The following SUPT3H variants were observed in gnomAD, a reference collection of about 807,000 sequenced individuals.
The protein encoded by SUPT3H is transcription initiation protein SPT3 homolog.
Under a neutral mutation model 44.3 loss-of-function variants are expected in SUPT3H, and 44 were observed. That is an observed-to-expected ratio of 0.99 (90% CI 0.78 to 1.28). The LOEUF (loss-of-function observed/expected upper bound fraction) is 1.28. SUPT3H is among the 50% of genes most tolerant of loss of function. The pLI is 0.00. For missense variants in SUPT3H, 380 were observed against 387.1 expected (o/e 0.98, Z 0.15); for synonymous variants, 124 against 125.6 (o/e 0.99, Z 0.09).
intron 10 of SUPT3H, among the ~76,000 whole-genome samples, chr6:44,886,733 C>A (rs1762354430): frequency 6.6e-6 from 1 of 152,132 alleles, no homozygotes; most frequent in Non-Finnish European, 1.5e-5. Flanking sequence ...CACCAGCTAA[C>A]ATCATAATGA....
At chr6:45,049,260 T>C (rs1031256145) in intron 3 of SUPT3H, among the ~76,000 whole-genome samples, 1 of 152,146 alleles carries the variant, frequency 6.6e-6, no homozygotes, top group African/African-American at 2.4e-5. Flanking sequence ...ACCCTGAGAC[T>C]TCTGGTGCTG....
chr6:45,255,660 T>A (rs1219156205), intron 2 of SUPT3H, among the ~76,000 whole-genome samples: 1 of 151,890 alleles, frequency 6.6e-6, no homozygotes, highest in Non-Finnish European at 1.5e-5. Flanking sequence ...TGGCCTCAGG[T>A]GATCCTCCCG....
intron 10 of SUPT3H, among the ~76,000 whole-genome samples, chr6:44,847,220 T>G (rs1334211933): frequency 6.6e-6 from 1 of 152,204 alleles, no homozygotes; most frequent in African/African-American, 2.4e-5. Context: ...CAATTGCTGA[T>G]ACAGTTATTT....
chr6:44,907,178 G>A (rs896145531), intron 10 of SUPT3H, among the ~76,000 whole-genome samples: 1 of 152,198 alleles, frequency 6.6e-6, no homozygotes, highest in Non-Finnish European at 1.5e-5. Flanking sequence ...GCAGAGATTA[G>A]ACAGTGGTAT....
rs951399663 is a variant in SUPT3H at position 45,254,352 on chromosome 6, A to C, written c.101+110849T>G. Among the ~76,000 whole-genome samples, 3 of 152,182 alleles carry C rather than the reference A, an allele frequency of 2.0e-5. No homozygotes were observed. In the South Asian group the frequency reaches 6.2e-4, roughly 31 times the overall value. ...TTTCTCTTGTACTAATACATGATTA[A>C]CCACCTACTATTAGCAAGCTCAAAT... On this transcript the variant is annotated intron_variant, in intron 2 of 10. Coordinates refer to ENST00000371459, the MANE Select transcript of SUPT3H (RefSeq NM_003599.4).
At chr6:44,957,871 T>C (rs1013396515) in intron 7 of SUPT3H, among the ~76,000 whole-genome samples, 1 of 152,232 alleles carries the variant, frequency 6.6e-6, no homozygotes, top group Non-Finnish European at 1.5e-5. Flanking sequence ...ACTTGGGTTA[T>C]TGCTGTTCCA....
intron 2 of SUPT3H, among the ~76,000 whole-genome samples, chr6:45,223,457 T>C (rs970361197): frequency 4.6e-5 from 7 of 152,030 alleles, no homozygotes; most frequent in Admixed American, 1.3e-4. Context: ...AGGTGTGCCA[T>C]ACTAAATTCG....
intron 2 of SUPT3H, among the ~76,000 whole-genome samples, chr6:45,355,871 T>C (rs991426032): frequency 2.3e-4 from 35 of 152,168 alleles, no homozygotes; most frequent in Non-Finnish European, 4.4e-4. Context: ...AATAAATAAA[T>C]ATTAATTGAT....
intron 2 of SUPT3H, among the ~76,000 whole-genome samples, chr6:45,178,779 G>C (rs188812355): frequency 1.3e-5 from 2 of 151,994 alleles, no homozygotes; most frequent in South Asian, 2.1e-4. Context: ...AAGCGCTCAA[G>C]TACATGGAAA....
chr6:44,847,259 C>G (rs1772033193), intron 10 of SUPT3H, among the ~76,000 whole-genome samples: 2 of 152,166 alleles, frequency 1.3e-5, no homozygotes, highest in South Asian at 4.1e-4. Context: ...CCTGAGACTA[C>G]AAGTCTGGTC....
At chr6:44,859,498 T>C (rs1479824863) in intron 10 of SUPT3H, among the ~76,000 whole-genome samples, 1 of 152,162 alleles carries the variant, frequency 6.6e-6, no homozygotes, top group East Asian at 1.9e-4. Context: ...GCAAGTGAAA[T>C]ACAGAACCCC....
intron 10 of SUPT3H, among the ~76,000 whole-genome samples, chr6:44,929,317 T>C (rs1461859661): frequency 6.6e-6 from 1 of 152,178 alleles, no homozygotes; most frequent in African/African-American, 2.4e-5. Context: ...TTTTTAAATA[T>C]AGTATCTGAA....
intron 3 of SUPT3H, among the ~76,000 whole-genome samples, chr6:45,092,753 A>AAC (rs1797306622): frequency 1.5e-5 from 1 of 65,038 alleles, no homozygotes; most frequent in African/African-American, 3.9e-5. Context: ...TTCGTCTCAA[A>AAC]AAAAAAAAAA....
intron 3 of SUPT3H, among the ~76,000 whole-genome samples, chr6:45,071,925 G>A (rs1373589437): frequency 1.3e-5 from 2 of 152,174 alleles, no homozygotes; most frequent in African/African-American, 2.4e-5. Flanking sequence ...GCTCTTTGAG[G>A]AGGGGTAATC....
At chr6:45,214,617 C>G (rs745802628) in intron 2 of SUPT3H, among the ~76,000 whole-genome samples, 2 of 152,162 alleles carry the variant, frequency 1.3e-5, no homozygotes, top group Non-Finnish European at 2.9e-5. Context: ...AAGGCTGATG[C>G]AGGAGGATCA....
chr6:45,208,062 GAA>G lies in SUPT3H; in HGVS notation c.102-102058_102-102057del, dbSNP rs572534613. 1.0e-3 allele frequency among the ~76,000 whole-genome samples: 157 copies of G among 152,314 alleles called. 2 individuals are homozygous for G. In the South Asian group the frequency reaches 0.014, roughly 14 times the overall value. On this transcript the variant is annotated intron_variant, in intron 2 of 10. Transcript: ENST00000371459. Reference sequence around the variant, plus strand: ...GTTAACCAAGTTGTGCATGAAAAGGGAAAGTTATTGGAGGAAATCAGAAGTGC... The same window carrying G: ...GTTAACCAAGTTGTGCATGAAAAGGGAGTTATTGGAGGAAATCAGAAGTGC...
intron 10 of SUPT3H, among the ~76,000 whole-genome samples, chr6:44,872,498 G>A (rs1293587): frequency 0.047 from 7,119 of 151,392 alleles, 238 homozygotes; most frequent in South Asian, 0.13. Context: ...CCTGAAGGAA[G>A]TGCTAAACAT....
chr6:45,304,451 T>C (rs1782678603), intron 2 of SUPT3H, among the ~76,000 whole-genome samples: 1 of 152,202 alleles, frequency 6.6e-6, no homozygotes, highest in Non-Finnish European at 1.5e-5. Flanking sequence ...TTTTCCACTA[T>C]TTTATCGTTA....
intron 2 of SUPT3H, among the ~76,000 whole-genome samples, chr6:45,331,184 A>T (rs1273357581): frequency 6.6e-6 from 1 of 151,930 alleles, no homozygotes; most frequent in Non-Finnish European, 1.5e-5. Context: ...ATCTCTCAGC[A>T]TACTTCACTT....
Sources: gnomAD v4.1 joint callset for allele counts (sites outside exome capture counted in the v4.1 genomes callset) on GRCh38, gnomAD v4.1.1 for gene constraint, MANE v1.5 for transcripts, NCBI Gene and HGNC (gene_info 2026-07-23, HGNC 2026-07-21) for gene names.